The following RBM38 variants were observed in gnomAD, a reference collection of about 807,000 sequenced individuals.
The protein encoded by RBM38 is RNA binding motif protein 38.
In RBM38, 11 loss-of-function variants were observed where a neutral mutation model predicts 23.5. The ratio of observed to expected loss-of-function variants is 0.47; its 90% confidence interval spans 0.29 to 0.77. The LOEUF is 0.77. RBM38 is among the 30% of genes least tolerant of loss of function. The probability of loss-of-function intolerance (pLI) is 0.08; values close to 1 mark genes in which losing one functional copy is unlikely to be tolerated. For synonymous variants in RBM38, 165 were observed against 166.1 expected (o/e 0.99, Z 0.05); for missense variants, 330 against 351.9 (o/e 0.94, Z 0.50).
Position 57,408,745 on chromosome 20 carries a change from T to G in RBM38, c.*899T>G, listed in dbSNP as rs2067415067. The G allele has an allele frequency of 6.6e-6, 1 of 152,220 alleles. No individual in the cohort carries two copies. The highest frequency in any genetic ancestry group is 2.4e-5 in the African/African-American group (1 of 41,452). The allele number at this position is 152,220 out of a possible 1,614,324, so 9.4% of individuals were successfully genotyped here. A position where few individuals can be genotyped will look rare whatever the true frequency, so the allele number is the denominator to read the frequency against. ...CCTCAGGCCCGTGCGGGCCACTGTC[T>G]GCTGCCGCCTGCCGGGGTGGCAGAG... On this transcript the variant is annotated 3_prime_UTR_variant, in exon 4 of 4. Coordinates refer to ENST00000356208, the MANE Select transcript of RBM38 (RefSeq NM_017495.6).
At chr20:57,394,324 AGGTGAATGGGTCCCCTGGGGCCTGGC>A (rs2067252523) in intron 3 of RBM38, among the ~76,000 whole-genome samples, 1 of 34,822 alleles carries the variant, frequency 2.9e-5, no homozygotes, top group Non-Finnish European at 9.2e-5. Flanking sequence ...CCTGGCTCCC[AGGTGAATGGGTCCCCTGGGGCCTGGC>A]TCCCAGGTGA....
intron 3 of RBM38, among the ~76,000 whole-genome samples, chr20:57,394,896 T>C (rs1054131510): frequency 6.6e-6 from 1 of 152,152 alleles, no homozygotes; most frequent in Non-Finnish European, 1.5e-5. Context: ...GATAAGGCCT[T>C]CCCACGTGCG....
intron 3 of RBM38, among the ~76,000 whole-genome samples, chr20:57,394,338 C>G (rs143145852): frequency 3.3e-4 from 12 of 36,240 alleles, no homozygotes; most frequent in Non-Finnish European, 1.0e-3. Context: ...GAATGGGTCC[C>G]CTGGGGCCTG....
rs1018670679 is a variant in RBM38, at chr20:57,408,213, C to T, written c.*367C>T. 1.1e-5 allele frequency: 4 copies of T among 372,548 alleles called. No homozygotes were observed. Among genetic ancestry groups the T allele is most frequent in the Non-Finnish European group, 2.0e-5 (4 of 195,996 alleles). 23.1% of individuals were successfully genotyped at this position (372,548 alleles called of 1,614,324 possible). On this transcript the variant is annotated 3_prime_UTR_variant, in exon 4 of 4. Coordinates refer to ENST00000356208, the MANE Select transcript of RBM38 (RefSeq NM_017495.6). ...GCATCGTGGCGGGGTGTCACAGACC[C>T]TCTGCAGCCCCTGGCTGCCCTGGAC...
intron 3 of RBM38, among the ~76,000 whole-genome samples, chr20:57,402,436 T>A (rs2067337962): frequency 6.6e-6 from 1 of 151,876 alleles, no homozygotes; most frequent in Non-Finnish European, 1.5e-5. Flanking sequence ...TGGGGGTGAG[T>A]GGGCAGGGCA....
rs1027511974 is a variant in RBM38 at position 57,408,007 on chromosome 20, A to G, written c.*161A>G. On this transcript the variant is annotated 3_prime_UTR_variant, in exon 4 of 4. Transcript: ENST00000356208. ...GGGCATTCCGCCTGCGCCCTGGGAC[A>G]GCGGAGAGACGGCTTCTCTTTAATC... 42 of 809,584 alleles carry G rather than the reference A, an allele frequency of 5.2e-5. No homozygotes were observed. The highest frequency in any genetic ancestry group is 7.8e-5 in the Non-Finnish European group (41 of 526,390). The allele number at this position is 809,584 out of a possible 1,614,324, so 50.2% of individuals were successfully genotyped here.
intron 3 of RBM38, among the ~76,000 whole-genome samples, chr20:57,400,584 T>C (rs1038948535): frequency 2.0e-5 from 3 of 152,186 alleles, no homozygotes; most frequent in Non-Finnish European, 4.4e-5. Flanking sequence ...GGACCCCAGC[T>C]AGGTGCCTGT....
intron 3 of RBM38, 93 bp downstream of exon 3, chr20:57,393,426 A>G (rs1445888975): frequency 7.5e-7 from 1 of 1,339,512 alleles, no homozygotes; most frequent in African/African-American, 1.4e-5. Flanking sequence ...TGGGGAAATG[A>G]CAGTTTTCAG....
In RBM38 at chr20:57,408,686, C is replaced by G. The variant is rs747145849; in HGVS notation, c.*840C>G. 4 of 151,980 alleles carry G rather than the reference C, an allele frequency of 2.6e-5. No homozygotes were observed. The highest frequency in any genetic ancestry group is 6.5e-5 in the Admixed American group (1 of 15,268). 9.4% of individuals were successfully genotyped at this position (151,980 alleles called of 1,614,324 possible). On this transcript the variant is annotated 3_prime_UTR_variant, in exon 4 of 4. Transcript: ENST00000356208. ...GTCTGCCGGCTCGCGGGCCAGGATC[C>G]TCTCGGTGGGATGGGCACCACAGAC... is the stretch of plus-strand genomic sequence containing the variant.
intron 3 of RBM38, among the ~76,000 whole-genome samples, chr20:57,403,426 G>A (rs1002730453): frequency 2.6e-5 from 4 of 152,198 alleles, no homozygotes; most frequent in South Asian, 4.1e-4. Context: ...TCCCCCTTGG[G>A]GCTTGAGGTG....
At chr20:57,398,274 G>A (rs1043110447) in intron 3 of RBM38, among the ~76,000 whole-genome samples, 3 of 149,922 alleles carry the variant, frequency 2.0e-5, no homozygotes, top group South Asian at 2.1e-4. Flanking sequence ...GTGTGTGTGT[G>A]TACGCACGCA....
intron 1 of RBM38, 118 bp from the exon 2 acceptor site, chr20:57,392,536 G>A: frequency 6.6e-6 from 10 of 1,517,748 alleles, no homozygotes; most frequent in Non-Finnish European, 8.8e-6. Flanking sequence ...TGGGTCACAG[G>A]CACCCTCAGA....
rs2067417847 is a variant in RBM38 at position 57,408,989 on chromosome 20, C to T, written c.*1143C>T. ...CAGAAGGGTGCGCCTCTTCCCTCTA[C>T]CCCCGCACCACCTGCTGTGTGCCAG... On this transcript the variant is annotated 3_prime_UTR_variant, in exon 4 of 4. Coordinates refer to ENST00000356208, the MANE Select transcript of RBM38 (RefSeq NM_017495.6). The T allele has an allele frequency of 1.3e-5, 2 of 152,720 alleles. No homozygotes were observed. Among genetic ancestry groups the T allele is most frequent in the Admixed American group, 6.5e-5 (1 of 15,280 alleles). The allele number at this position is 152,720 out of a possible 1,614,324, so 9.5% of individuals were successfully genotyped here.
chr20:57,408,313 C>G lies in RBM38; in HGVS notation c.*467C>G, dbSNP rs904350826. On this transcript the variant is annotated 3_prime_UTR_variant, in exon 4 of 4. Coordinates refer to ENST00000356208, the MANE Select transcript of RBM38 (RefSeq NM_017495.6). ...GACTGTTTATTGTAACTTGATCCTCCCGAGCTGTGAGCGCAGTCTGAGGTG... is the reference window on the plus strand; with the variant it reads ...GACTGTTTATTGTAACTTGATCCTCGCGAGCTGTGAGCGCAGTCTGAGGTG... 5.3e-6 allele frequency: 1 copy of G among 186,918 alleles called. No homozygotes were observed. The highest frequency in any genetic ancestry group is 2.3e-5 in the African/African-American group (1 of 43,252). 11.6% of individuals were successfully genotyped at this position (186,918 alleles called of 1,614,324 possible). A position where few individuals can be genotyped will look rare whatever the true frequency, so the allele number is the denominator to read the frequency against.
At position 57,407,372 on chromosome 20, in the gene RBM38, G is replaced by A. The variant is rs542963050; in HGVS notation, c.417-171G>A. 7.9e-5 allele frequency among the ~76,000 whole-genome samples: 12 copies of A among 152,264 alleles called. No individual in the cohort carries two copies. In the South Asian group the frequency reaches 1.5e-3, roughly 18 times the overall value. On this transcript the variant is annotated intron_variant, in intron 3 of 3. Coordinates refer to ENST00000356208, the MANE Select transcript of RBM38 (RefSeq NM_017495.6). The surrounding 1 kb of genome is among the most constrained non-coding windows in gnomAD (Gnocchi z 4.0). ...GGTGGTTAGTGCAGACAGTCAGTGC[G>A]AAGGCCTTGAGGCGGCAGCATCTGG...
intron 3 of RBM38, among the ~76,000 whole-genome samples, chr20:57,393,870 T>C (rs1056880026): frequency 1.3e-5 from 2 of 152,174 alleles, no homozygotes; most frequent in African/African-American, 4.8e-5. Context: ...GCCTGGCCTA[T>C]GGGCTTCTAG....
chr20:57,400,418 C>T (rs2067315654), intron 3 of RBM38, among the ~76,000 whole-genome samples: 2 of 152,172 alleles, frequency 1.3e-5, no homozygotes, highest in Admixed American at 1.3e-4. Flanking sequence ...AGAGCCAGCT[C>T]CTCCTGCATG....
intron 2 of RBM38, 134 bp downstream of exon 2, chr20:57,392,911 C>T: frequency 8.2e-7 from 1 of 1,218,232 alleles, no homozygotes; most frequent in Admixed American, 2.4e-5. Flanking sequence ...AGAGCCGGCA[C>T]AGGGCAGCCA....
intron 3 of RBM38, among the ~76,000 whole-genome samples, chr20:57,403,691 A>G (rs7264925): frequency 0.098 from 14,823 of 151,842 alleles, 2,282 homozygotes; most frequent in African/African-American, 0.33. Context: ...GCATGATCTC[A>G]GCTCACCACA....
Sources: allele counts gnomAD v4.1 joint callset (sites outside exome capture counted in the v4.1 genomes callset), GRCh38; gene constraint gnomAD v4.1.1; non-coding constraint Gnocchi (gnomAD v3.1); transcripts MANE v1.5; gene names NCBI Gene and HGNC (gene_info 2026-07-23, HGNC 2026-07-21).